Variants in PCGF3 observed in about 807,000 individuals in gnomAD.
PCGF3 encodes the protein polycomb group RING finger protein 3.
PCGF3 carries 7 observed loss-of-function variants against 33.1 expected under a neutral mutation model. That is an observed-to-expected ratio of 0.21 (90% confidence interval 0.12 to 0.40). The LOEUF is 0.40. PCGF3 is among the 10% of genes least tolerant of loss of function. The pLI is 1.00. For synonymous variants in PCGF3, 153 were observed against 121.3 expected, an observed-to-expected ratio of 1.26 and a Z score of -1.72; for missense variants, 211 against 313.3, an observed-to-expected ratio of 0.67 and a Z score of 2.46.
At chr4:750,733 G>A (rs375796988) in intron 8 of PCGF3, among the ~76,000 whole-genome samples, 8 of 152,166 alleles carry the variant, frequency 5.3e-5, no homozygotes, top group East Asian at 1.9e-4. Context: ...TGTTTTCTCC[G>A]TGTCTCTGTA....
At chr4:760,780 C>G (rs1745010841) in intron 8 of PCGF3, among the ~76,000 whole-genome samples, 1 of 152,246 alleles carries the variant, frequency 6.6e-6, no homozygotes, top group East Asian at 1.9e-4. Context: ...TCCACAGTCC[C>G]CTTAACAGTC....
In PCGF3 at chr4:735,485, G is replaced by A. The variant is rs745755454; in HGVS notation, c.206+458G>A. ...CACTTGAACCCAGGAGGCCGAGGTTGCAGTAAGCGGAGATTGCGCCGTTGC... is the reference window on the plus strand; with the variant it reads ...CACTTGAACCCAGGAGGCCGAGGTTACAGTAAGCGGAGATTGCGCCGTTGC... On this transcript the variant is annotated intron_variant, in intron 5 of 10. Transcript: ENST00000362003. Among the ~76,000 whole-genome samples the A allele has an allele frequency of 7.9e-5, 12 of 152,198 alleles. 1 individual carries two copies. Among genetic ancestry groups the A allele is most frequent in the Non-Finnish European group, 1.8e-4 (12 of 68,042 alleles).
intron 8 of PCGF3, among the ~76,000 whole-genome samples, chr4:750,310 T>TC (rs1439252574): frequency 6.6e-6 from 1 of 152,106 alleles, no homozygotes; most frequent in Non-Finnish European, 1.5e-5. Flanking sequence ...CTAGTCTCCT[T>TC]CCCGGGCGGT....
chr4:718,915 C>G (rs542093021), intron 1 of PCGF3, among the ~76,000 whole-genome samples: 1 of 152,290 alleles, frequency 6.6e-6, no homozygotes, highest in African/African-American at 2.4e-5. Context: ...AAAGCGCTGT[C>G]ATGTTGTAGC....
At chr4:754,327 C>T (rs905467304) in intron 8 of PCGF3, among the ~76,000 whole-genome samples, 5 of 152,210 alleles carry the variant, frequency 3.3e-5, no homozygotes, top group African/African-American at 4.8e-5. Flanking sequence ...TCCGCACCCT[C>T]GGGCACGCGC....
intron 8 of PCGF3, among the ~76,000 whole-genome samples, chr4:752,717 G>T (rs889574185): frequency 3.3e-5 from 5 of 152,208 alleles, no homozygotes; most frequent in South Asian, 2.1e-4. Context: ...AGCCTCCTCC[G>T]GTTCCAGGCC....
chr4:761,225 GA>G, intron 8 of PCGF3, 53 bp from the exon 9 acceptor site: 1 of 1,485,046 alleles, frequency 6.7e-7, no homozygotes, highest in Non-Finnish European at 9.0e-7. Flanking sequence ...GAAGCCTCCA[GA>G]ACCGTCCGGG....
intron 4 of PCGF3, chr4:734,098 A>T (rs760086435): frequency 1.9e-6 from 3 of 1,550,620 alleles, no homozygotes; most frequent in South Asian, 1.2e-5. Context: ...GCAGTTTCCA[A>T]ATCTCCAGAG....
chr4:754,579 GC>G (rs1744684805), intron 8 of PCGF3, among the ~76,000 whole-genome samples: 2 of 152,326 alleles, frequency 1.3e-5, no homozygotes, highest in South Asian at 4.1e-4. Flanking sequence ...GTGCCAGGCT[GC>G]CCCACGTGCC....
intron 8 of PCGF3, among the ~76,000 whole-genome samples, chr4:753,281 T>G (rs1744607764): frequency 6.6e-6 from 1 of 152,216 alleles, no homozygotes; most frequent in African/African-American, 2.4e-5. Context: ...CCTCTTGGGC[T>G]CAAGTGCTTC....
chr4:723,050 G>A lies in PCGF3; in HGVS notation c.-189-7580G>A, dbSNP rs141483749. Among the ~76,000 whole-genome samples the A allele has an allele frequency of 9.4e-3, 1,217 of 128,932 alleles. 23 individuals are homozygous for A. Among genetic ancestry groups the A allele is most frequent in the African/African-American group, 0.035 (1,166 of 33,148 alleles). The allele number at this position is 128,932 out of a possible 152,430, so 84.6% of individuals were successfully genotyped here. A position where few individuals can be genotyped will look rare whatever the true frequency, so the allele number is the denominator to read the frequency against. ...ACGCCGGGTCCACACTCACGTCATC[G>A]CCATCCACGCCGGGTCCACACTCGC... On this transcript the variant is annotated intron_variant, in intron 1 of 10. Coordinates refer to ENST00000362003, the Ensembl canonical transcript of PCGF3.
intron 8 of PCGF3, among the ~76,000 whole-genome samples, chr4:749,129 AG>A (rs1485960989): frequency 6.6e-6 from 1 of 152,210 alleles, no homozygotes; most frequent in Non-Finnish European, 1.5e-5. Flanking sequence ...TGCTTTCAAA[AG>A]GGCCAATTTT....
chr4:764,794 G>A (rs1054675501), intron 9 of PCGF3, 190 bp from the exon 10 acceptor site: 2 of 567,226 alleles, frequency 3.5e-6, no homozygotes, highest in African/African-American at 3.8e-5. Flanking sequence ...TGTGAGGTAG[G>A]GACCACACTC....
At chr4:764,923 TG>T in intron 9 of PCGF3, 60 bp from the exon 10 acceptor site, 6 of 1,101,796 alleles carry the variant, frequency 5.4e-6, no homozygotes, top group Non-Finnish European at 4.2e-6. Flanking sequence ...AGCATCAAGG[TG>T]GCCATGTCAG....
At chr4:726,972 C>T (rs1743355896) in intron 1 of PCGF3, among the ~76,000 whole-genome samples, 1 of 152,184 alleles carries the variant, frequency 6.6e-6, no homozygotes, top group Admixed American at 6.5e-5. Context: ...ACCAGACTTG[C>T]CGTTGTTCTG....
intron 3 of PCGF3, among the ~76,000 whole-genome samples, chr4:733,109 T>A (rs1234581931): frequency 3.8e-5 from 5 of 130,772 alleles, no homozygotes; most frequent in African/African-American, 1.6e-4. Context: ...TGCCCCGTGC[T>A]GCCTCAGGCT....
chr4:767,172 T>C (rs1745419039), exon 11 of PCGF3: 2 of 152,216 alleles, frequency 1.3e-5, no homozygotes, highest in South Asian at 4.1e-4. Context: ...GCTGAAGGGC[T>C]AGGAGGGAAG....
At chr4:729,939 G>A (rs541194450) in intron 1 of PCGF3, among the ~76,000 whole-genome samples, 54 of 152,204 alleles carry the variant, frequency 3.5e-4, no homozygotes, top group Admixed American at 8.5e-4. Context: ...CGAGGTTCCC[G>A]GGGAAGCACT....
At chr4:723,017 C>T (rs1743175314) in intron 1 of PCGF3, among the ~76,000 whole-genome samples, 1 of 138,334 alleles carries the variant, frequency 7.2e-6, no homozygotes, top group Non-Finnish European at 1.5e-5. Context: ...TTCGCGTCAT[C>T]GCCATCCACG....
Sources: allele counts gnomAD v4.1 joint callset (sites outside exome capture counted in the v4.1 genomes callset), GRCh38; gene constraint gnomAD v4.1.1; transcripts MANE v1.5; gene names NCBI Gene and HGNC (gene_info 2026-07-23, HGNC 2026-07-21).